Variants in TSEN2 observed in about 807,000 individuals in gnomAD.
TSEN2 encodes the protein tRNA splicing endonuclease subunit 2, also known as tRNA-splicing endonuclease subunit Sen2.
A neutral mutation model predicts 59.2 loss-of-function variants in TSEN2; 54 were observed. The ratio of observed to expected loss-of-function variants is 0.91; its 90% CI spans 0.73 to 1.14. The LOEUF is 1.14. Among genes scored for constraint, TSEN2 ranks in the 50% most tolerant of loss-of-function variants. The probability of loss-of-function intolerance (pLI) is 0.00; values close to 1 mark genes in which losing one functional copy is unlikely to be tolerated. For synonymous variants in TSEN2, 195 were observed against 198.2 expected (o/e 0.98, Z 0.14); for missense variants, 636 against 576.2 (o/e 1.10, Z -1.06).
At chr3:12,508,144 G>A (rs1030589834) in intron 6 of TSEN2, among the ~76,000 whole-genome samples, 1 of 152,208 alleles carries the variant, frequency 6.6e-6, no homozygotes, top group Non-Finnish European at 1.5e-5. Context: ...AGCTGTAGGC[G>A]AAGGGTATTC....
At chr3:12,530,435 C>G in intron 10 of TSEN2, 1 of 985,640 alleles carries the variant, frequency 1.0e-6, no homozygotes, top group Non-Finnish European at 1.2e-6. Flanking sequence ...GGCTCCCTGG[C>G]TTTTGTTTCA....
chr3:12,522,173 G>C (rs565098620), intron 8 of TSEN2, among the ~76,000 whole-genome samples: 2 of 152,136 alleles, frequency 1.3e-5, no homozygotes, highest in South Asian at 4.1e-4. Flanking sequence ...TAATGATCAA[G>C]TTATACTTTG....
At chr3:12,487,003 T>TA (rs367750393) in intron 1 of TSEN2, among the ~76,000 whole-genome samples, 1 of 152,370 alleles carries the variant, frequency 6.6e-6, no homozygotes, top group African/African-American at 2.4e-5. Context: ...AACATTCACA[T>TA]ACAAATTTTT....
chr3:12,530,983 A>G (rs1438757685), intron 10 of TSEN2: 3 of 170,712 alleles, frequency 1.8e-5, no homozygotes, highest in African/African-American at 2.4e-5. Context: ...TCACAGTTCC[A>G]TGTGGCTGGG....
intron 10 of TSEN2, 69 bp downstream of exon 10, chr3:12,529,942 G>A (rs746021653): frequency 9.6e-6 from 15 of 1,568,104 alleles, no homozygotes; most frequent in Non-Finnish European, 1.2e-5. Context: ...TTTCTTAAAT[G>A]TAGTAGAATC....
In TSEN2 at chr3:12,503,607, C is replaced by G. The variant is rs142436743; in HGVS notation, c.654C>G (p.Pro218=). Residue 218 remains proline, a synonymous_variant, in exon 5 of 12, where the codon CCC becomes CCG. Coordinates refer to ENST00000284995, the MANE Select transcript of TSEN2 (RefSeq NM_025265.4). ...KSVREDASPL[P]HVCCCKQDAL... Reference sequence around the variant, plus strand: ...TGCGAGAGGATGCCTCACCTCTGCCCCATGTCTGTTGCTGCAAACAAGATG... The same window carrying G: ...TGCGAGAGGATGCCTCACCTCTGCCGCATGTCTGTTGCTGCAAACAAGATG... The G allele has an allele frequency of 4.1e-5, 66 of 1,595,502 alleles. No homozygotes were observed. The highest frequency in any genetic ancestry group is 5.5e-5 in the Non-Finnish European group (64 of 1,169,714).
intron 8 of TSEN2, among the ~76,000 whole-genome samples, chr3:12,522,727 ACTTTTCC>A (rs1236652142): frequency 6.6e-6 from 1 of 152,242 alleles, no homozygotes; most frequent in African/African-American, 2.4e-5. Context: ...TATCAGGGAA[ACTTTTCC>A]CTTGAATAAA....
chr3:12,496,641 TC>T, intron 4 of TSEN2, 87 bp downstream of exon 4: 1 of 1,328,934 alleles, frequency 7.5e-7, no homozygotes, highest in Non-Finnish European at 1.1e-6. Context: ...AGCAGTCCAG[TC>T]CACACCTTTT....
At chr3:12,517,933 A>G (rs2056298648) in intron 7 of TSEN2, among the ~76,000 whole-genome samples, 1 of 151,816 alleles carries the variant, frequency 6.6e-6, no homozygotes, top group Non-Finnish European at 1.5e-5. Context: ...CATTAGGAAC[A>G]ACTGCAAAAA....
At chr3:12,491,263 A>T (rs1263666977) in intron 2 of TSEN2, among the ~76,000 whole-genome samples, 1 of 152,196 alleles carries the variant, frequency 6.6e-6, no homozygotes, top group East Asian at 1.9e-4. Flanking sequence ...AAGTGCCGGG[A>T]TTACAGGTGT....
In TSEN2 at chr3:12,496,548, CA is replaced by C. The variant is rs868313733; in HGVS notation, c.305del (p.Lys102ArgfsTer13). 6.2e-7 allele frequency: 1 copy of C among 1,614,106 alleles called. No homozygotes were observed. The highest frequency in any genetic ancestry group is 1.7e-5 in the Admixed American group (1 of 60,024). ...DMKTNMPIITSKRYQHSVEWA... is the reference protein window; with the variant it reads ...DMKTNMPIITXKRYQHSVEWA... ...AAGACAAACATGCCTATCATCACAT[CA>C]AAGAGGTAAGTCATAATGAACTTTG... On this transcript the variant is annotated frameshift_variant, in exon 4 of 12. Coordinates refer to ENST00000284995, the MANE Select transcript of TSEN2 (RefSeq NM_025265.4). LOFTEE classifies it high-confidence loss of function.
At chr3:12,511,040 G>C (rs917197159) in intron 6 of TSEN2, 1 of 152,100 alleles carries the variant, frequency 6.6e-6, no homozygotes, top group African/African-American at 2.4e-5. Context: ...TGTGCTGGTG[G>C]GCAGGAGAGA....
At chr3:12,516,444 A>ATGTGTGTGTGTG (rs1289799497) in intron 6 of TSEN2, among the ~76,000 whole-genome samples, 167 bp from the exon 7 acceptor site, 3 of 51,566 alleles carry the variant, frequency 5.8e-5, no homozygotes, top group African/African-American at 2.6e-4. Flanking sequence ...CAAACAAAAT[A>ATGTGTGTGTGTG]TATGTGTGTG....
At chr3:12,503,035 C>T (rs1036419284) in intron 4 of TSEN2, among the ~76,000 whole-genome samples, 2 of 151,926 alleles carry the variant, frequency 1.3e-5, no homozygotes, top group African/African-American at 4.8e-5. Flanking sequence ...CACACCACTG[C>T]ACTCCAGCCT....
At position 12,502,677 on chromosome 3, in the gene TSEN2, GT is replaced by G. The variant is rs773322162; in HGVS notation, c.309-574del. 2.4e-3 allele frequency among the ~76,000 whole-genome samples: 253 copies of G among 105,468 alleles called. 1 individual carries two copies. Among genetic ancestry groups the G allele is most frequent in the East Asian group, 6.9e-3 (24 of 3,470 alleles). 69.2% of individuals were successfully genotyped at this position (105,468 alleles called of 152,430 possible). On this transcript the variant is annotated intron_variant, in intron 4 of 11. Transcript: ENST00000284995. ...GTTAAACTGGGGGTTAGTTTTTTTT[GT>G]TTTTTTTTTTGTTTTTTTTTTTTCA...
downstream of TSEN2, among the ~76,000 whole-genome samples, chr3:12,533,933 A>T (rs1004269897): frequency 6.6e-6 from 1 of 152,198 alleles, no homozygotes; most frequent in South Asian, 2.1e-4. Flanking sequence ...CTGTGTATTT[A>T]TCCCTGCAGC....
chr3:12,519,112 G>T lies in TSEN2; in HGVS notation c.1014G>T (p.Thr338=). ...LWKAFTVVQP[T]FRTTYMAYHY... is the part of the protein sequence containing the mutation. Reference sequence around the variant, plus strand: ...AAGCTTTCACTGTAGTTCAGCCCACGTTCAGAACCACCTACATGGCCTACC... The same window carrying T: ...AAGCTTTCACTGTAGTTCAGCCCACTTTCAGAACCACCTACATGGCCTACC... Residue 338 remains threonine (T), a synonymous_variant, in exon 8 of 12, where the codon ACG becomes ACT. Coordinates refer to ENST00000284995, the MANE Select transcript of TSEN2 (RefSeq NM_025265.4). The T allele has an allele frequency of 1.9e-6, 3 of 1,614,228 alleles. No individual in the cohort carries two copies. The highest frequency in any genetic ancestry group is 2.5e-6 in the Non-Finnish European group (3 of 1,180,044).
chr3:12,498,336 C>G (rs2053958685), intron 4 of TSEN2, among the ~76,000 whole-genome samples: 1 of 152,200 alleles, frequency 6.6e-6, no homozygotes, highest in Admixed American at 6.5e-5. Flanking sequence ...AAGCGATAAA[C>G]TATTCACTAA....
At chr3:12,516,220 C>T (rs1184951363) in intron 6 of TSEN2, among the ~76,000 whole-genome samples, 2 of 151,902 alleles carry the variant, frequency 1.3e-5, no homozygotes, top group Admixed American at 6.6e-5. Context: ...GTCAGGAGAT[C>T]GAGACCATCC....
Sources: gnomAD v4.1 joint callset for allele counts (sites outside exome capture counted in the v4.1 genomes callset) on GRCh38, gnomAD v4.1.1 for gene constraint, MANE v1.5 for transcripts, NCBI Gene and HGNC (gene_info 2026-07-23, HGNC 2026-07-21) for gene names.